The following ABCB8 variants were observed in gnomAD, a reference collection of about 807,000 sequenced individuals.
ABCB8 encodes the protein ATP binding cassette subfamily B member 8.
In ABCB8, 52 loss-of-function variants were observed where a neutral mutation model predicts 73.0. The observed-to-expected ratio is 0.71, with a 90% confidence interval of 0.57 to 0.90. The LOEUF (loss-of-function observed/expected upper bound fraction) is 0.90, where lower values mean the gene tolerates loss of function less well. ABCB8 is among the 40% of genes least tolerant of loss of function. ABCB8 has a pLI of 0.00. For missense variants in ABCB8, 909 were observed against 974.6 expected (o/e 0.93, Z 0.90); for synonymous variants, 428 against 423.5 (o/e 1.01, Z -0.13).
chr7:151,036,501 C>A (rs1415575480), intron 8 of ABCB8, 43 bp from the exon 9 acceptor site: 1 of 1,537,418 alleles, frequency 6.5e-7, no homozygotes, highest in South Asian at 1.1e-5. Context: ...GGGCTGTTTC[C>A]TCTGCCCTGG....
chr7:151,043,874 A>G, intron 14 of ABCB8, 97 bp from the exon 15 acceptor site: 2 of 1,535,214 alleles, frequency 1.3e-6, no homozygotes, highest in Non-Finnish European at 1.8e-6. Flanking sequence ...GGGCACTTAG[A>G]GGATCTTGAT....
rs1399538842 is a variant in ABCB8 at position 151,033,693 on chromosome 7, C to T, written c.184C>T (p.Leu62=). The T allele has an allele frequency of 2.5e-6, 4 of 1,613,266 alleles. No individual in the cohort carries two copies. Among genetic ancestry groups the T allele is most frequent in the Non-Finnish European group, 2.5e-6 (3 of 1,179,706 alleles). Residue 62 remains leucine, a synonymous_variant, in exon 2 of 16, where the codon CTA becomes TTA. Transcript: ENST00000358849. ...CTGGGCCCACCTCCCTCGAGCCCCC[C>T]TAGCTCCCAGATGGAGCCCCTCTGC... ...QLWAHLPRAP[L]APRWSPSAWC... is the part of the protein sequence containing the mutation.
chr7:151,030,386 G>A (rs1376388116), intron 1 of ABCB8, among the ~76,000 whole-genome samples: 1 of 152,018 alleles, frequency 6.6e-6, no homozygotes, highest in Admixed American at 6.5e-5. Flanking sequence ...GTGGTTGCAC[G>A]CACCTGTAGT....
intron 11 of ABCB8, 78 bp from the exon 12 acceptor site, chr7:151,040,750 A>C (rs1009903873): frequency 3.7e-6 from 6 of 1,602,008 alleles, no homozygotes; most frequent in Admixed American, 3.4e-5. Context: ...TCAGAGGGCT[A>C]CAGGGAGACT....
chr7:151,042,133 C>T (rs1272295528), intron 14 of ABCB8, 25 bp downstream of exon 14: 3 of 1,609,378 alleles, frequency 1.9e-6, no homozygotes, highest in Middle Eastern at 1.7e-4. Flanking sequence ...CTGCCGGGAA[C>T]CAGGTGGTGA....
intron 14 of ABCB8, 143 bp downstream of exon 14, chr7:151,042,251 C>A: frequency 7.9e-7 from 1 of 1,259,698 alleles, no homozygotes; most frequent in Non-Finnish European, 1.1e-6. Flanking sequence ...ACGAGAACCA[C>A]AGCCAAAGGG....
chr7:151,035,506 C>A, intron 5 of ABCB8, 75 bp from the exon 6 acceptor site: 1 of 1,501,370 alleles, frequency 6.7e-7, no homozygotes, highest in South Asian at 1.3e-5. Context: ...GAGCTACAGT[C>A]AGCTGACCCT....
Position 151,044,200 on chromosome 7 carries a change from G to A in ABCB8, c.1995G>A (p.Met665Ile). The A allele has an allele frequency of 6.2e-7, 1 of 1,600,516 alleles. No homozygotes were observed. The highest frequency in any genetic ancestry group is 1.1e-5 in the South Asian group (1 of 90,878). ...GTGGGGCCCACTGCATTGTCGTCAT[G>A]GCCGATGGCCGTGTCTGGGAGGTTA... is the stretch of plus-strand genomic sequence containing the variant. ...TVRGAHCIVV[M>I]ADGRVWEAGT... Residue 665 changes from methionine (M) to isoleucine (I), a missense_variant, in exon 15 of 16, where the codon ATG becomes ATA. Met to Ile is a conservative substitution (Grantham distance 10). Coordinates refer to ENST00000358849, the MANE Select transcript of ABCB8 (RefSeq NM_007188.5).
chr7:151,044,618 C>A (rs1796566186), intron 15 of ABCB8, among the ~76,000 whole-genome samples: 1 of 152,164 alleles, frequency 6.6e-6, no homozygotes, highest in Non-Finnish European at 1.5e-5. Context: ...GTGGCATGCA[C>A]CTGTACTCCC....
chr7:151,040,562 C>A lies in ABCB8; in HGVS notation c.1316C>A (p.Pro439Gln). 6.2e-7 allele frequency: 1 copy of A among 1,613,452 alleles called. No individual in the cohort carries two copies. The change falls in exon 11 of 16, where the codon CCA becomes CAA. Residue 439 changes from proline (P) to glutamine (Q), a missense_variant. Transcript: ENST00000358849. ...TACATGGCCCTGAACCCCTGCATCC[C>A]ACTGTCTGGGGGCTGCTGCGTCCCC... ...FEYMALNPCI[P>Q]LSGGCCVPKE...
chr7:151,028,874 G>A (rs375095595), intron 1 of ABCB8: 4 of 1,521,092 alleles, frequency 2.6e-6, no homozygotes, highest in East Asian at 5.1e-5. Flanking sequence ...CGCCCAGTCC[G>A]CACTCCCGAC....
At chr7:151,031,470 C>A in intron 1 of ABCB8, 1 of 748,076 alleles carries the variant, frequency 1.3e-6, no homozygotes, top group Non-Finnish European at 2.0e-6. Flanking sequence ...ATGTGAAAGG[C>A]CATGATGGTA....
chr7:151,040,748 C>A, intron 11 of ABCB8, 80 bp from the exon 12 acceptor site: 1 of 1,602,522 alleles, frequency 6.2e-7, no homozygotes. Context: ...TCTCAGAGGG[C>A]TACAGGGAGA....
chr7:151,033,487 G>T (rs1796218592), intron 1 of ABCB8, 118 bp from the exon 2 acceptor site: 2 of 1,467,822 alleles, frequency 1.4e-6, no homozygotes, highest in East Asian at 2.4e-5. Context: ...GCAGGGGCAA[G>T]GGCCTGACAG....
Position 151,035,927 on chromosome 7 carries a change from C to G in ABCB8, c.973C>G (p.Arg325Gly). The G allele has an allele frequency of 6.2e-7, 1 of 1,613,772 alleles. No homozygotes were observed. The highest frequency in any genetic ancestry group is 8.5e-7 in the Non-Finnish European group (1 of 1,180,026). ...AGCAGACGAGGCCCTGGGCAATGTG[C>G]GGACTGTGCGTGCCTTCGCCATGGA... ...GVADEALGNV[R>G]TVRAFAMEQR... Residue 325 changes from arginine (R) to glycine (G), a missense_variant, in exon 7 of 16, where the codon CGG becomes GGG. By Grantham distance (125) the Arg-to-Gly change is moderately radical. Transcript: ENST00000358849.
rs377179781 is a variant in ABCB8 at position 151,040,809 on chromosome 7, G to A, written c.1389-19G>A. On this transcript the variant is annotated intron_variant, in intron 11 of 15. Coordinates refer to ENST00000358849, the MANE Select transcript of ABCB8 (RefSeq NM_007188.5). ...GGCTGGGAGCCTGGTCTGACTGGGG[G>A]TCTCTCGGCTCCTCCCAGCTACCCC... The A allele has an allele frequency of 6.7e-5, 107 of 1,586,440 alleles. 2 individuals carry two copies. The African/African-American group carries it at 1.1e-3, about 16-fold the overall frequency.
At chr7:151,029,151 A>C in intron 1 of ABCB8, 3 of 340,540 alleles carry the variant, frequency 8.8e-6, no homozygotes, top group Non-Finnish European at 1.4e-5. Flanking sequence ...AAATACAAAA[A>C]TTTGCCGTGA....
In ABCB8 at chr7:151,037,933, C is replaced by T. The variant is rs376698538; in HGVS notation, c.1217+1284C>T. 5.5e-4 allele frequency: 85 copies of T among 155,446 alleles called. No individual in the cohort carries two copies. In the East Asian group the frequency reaches 7.5e-3, roughly 14 times the overall value. 9.6% of individuals were successfully genotyped at this position (155,446 alleles called of 1,614,324 possible). A position where few individuals can be genotyped will look rare whatever the true frequency, so the allele number is the denominator to read the frequency against. On this transcript the variant is annotated intron_variant, in intron 9 of 15. Transcript: ENST00000358849. ...TCCCTAATCTGAGCACCTTCAGACC[C>T]TTTCTGGTCCCGGGCTCAGGCCTCC...
intron 1 of ABCB8, chr7:151,029,115 C>T (rs1796067181): frequency 2.4e-5 from 15 of 622,194 alleles, no homozygotes; most frequent in Non-Finnish European, 3.2e-5. Context: ...GCCTGGCCAA[C>T]ATGGCAAAAC....
Sources: allele counts gnomAD v4.1 joint callset (sites outside exome capture counted in the v4.1 genomes callset), GRCh38; gene constraint gnomAD v4.1.1; transcripts MANE v1.5; gene names NCBI Gene and HGNC (gene_info 2026-07-23, HGNC 2026-07-21).